Variants in BTBD8 observed in about 807,000 individuals in gnomAD.
The protein encoded by BTBD8 is BTB/POZ domain-containing protein 8.
Under a neutral mutation model 162.9 loss-of-function variants are expected in BTBD8, and 110 were observed. The observed-to-expected ratio is 0.68, with a 90% CI of 0.58 to 0.79. BTBD8 has a LOEUF of 0.79. BTBD8 is among the 30% of genes least tolerant of loss of function. The pLI is 0.00. For missense variants in BTBD8, 1,905 were observed against 2,085.4 expected, an observed-to-expected ratio of 0.91 and a Z score of 1.68; for synonymous variants, 667 against 716.1, an observed-to-expected ratio of 0.93 and a Z score of 1.10.
chr1:92,125,657 C>A, intron 4 of BTBD8: 1 of 313,358 alleles, frequency 3.2e-6, no homozygotes, highest in South Asian at 3.0e-5. Context: ...AAGATTATAC[C>A]AAAAGATTAT....
intron 4 of BTBD8, chr1:92,126,024 A>G (rs190051645): frequency 4.8e-5 from 23 of 475,436 alleles, no homozygotes; most frequent in African/African-American, 4.4e-4. Flanking sequence ...CTGTAGAAGA[A>G]TCCATATGGG....
intron 2 of BTBD8, among the ~76,000 whole-genome samples, chr1:92,089,856 T>G (rs1648253003): frequency 6.6e-6 from 1 of 152,192 alleles, no homozygotes; most frequent in Non-Finnish European, 1.5e-5. Flanking sequence ...CAAATTGTTT[T>G]TTGAGAACAG....
Position 92,181,159 on chromosome 1 carries a change from C to A in BTBD8, c.3476C>A (p.Ser1159Tyr), listed in dbSNP as rs1036495530. 6.4e-7 allele frequency: 1 copy of A among 1,551,496 alleles called. No individual in the cohort carries two copies. The highest frequency in any genetic ancestry group is 8.7e-7 in the Non-Finnish European group (1 of 1,146,990). Residue 1159 changes from serine to tyrosine, a missense_variant, in exon 17 of 18, where the codon TCT becomes TAT. Around this residue, in one of 3 missense-constraint regions of BTBD8, gnomAD observed 1,374 missense variants for 1,442.7 expected, o/e 0.95. Coordinates refer to ENST00000636805, the MANE Select transcript of BTBD8 (RefSeq NM_001376131.1). ...NPERTNGTLN[S>Y]AQEDKKSKVP... ...GAAAGGACAAATGGTACCTTAAATT[C>A]TGCTCAAGAAGACAAAAAATCGAAA...
chr1:92,106,814 T>C (rs1257349184), intron 3 of BTBD8, among the ~76,000 whole-genome samples: 6 of 151,854 alleles, frequency 4.0e-5, no homozygotes, highest in Non-Finnish European at 7.4e-5. Context: ...CAGGGAATGA[T>C]GGTGATTAAG....
intron 2 of BTBD8, among the ~76,000 whole-genome samples, chr1:92,091,301 ATTG>A (rs1194207808): frequency 1.3e-5 from 2 of 151,946 alleles, no homozygotes; most frequent in Middle Eastern, 3.2e-3. Context: ...TTCTGCCTTG[ATTG>A]TTAAGTTTCA....
At chr1:92,100,314 T>C (rs1648554454) in intron 2 of BTBD8, among the ~76,000 whole-genome samples, 1 of 152,212 alleles carries the variant, frequency 6.6e-6, no homozygotes, top group South Asian at 2.1e-4. Flanking sequence ...TCTGCTTTTG[T>C]ATTAGTAATA....
chr1:92,182,159 T>C lies in BTBD8; in HGVS notation c.4476T>C (p.Ser1492=), dbSNP rs1650931533. ...RTCYSRFSRE[S]EDNILECKQN... is the part of the protein sequence containing the mutation. ...GCTATTCCAGATTCTCACGAGAAAGTGAAGATAATATTTTAGAATGTAAAC... is the reference window on the plus strand; with the variant it reads ...GCTATTCCAGATTCTCACGAGAAAGCGAAGATAATATTTTAGAATGTAAAC... Residue 1492 remains serine, a synonymous_variant, in exon 17 of 18, where the codon AGT becomes AGC. Transcript: ENST00000636805. 2 of 1,550,856 alleles carry C rather than the reference T, an allele frequency of 1.3e-6. No homozygotes were observed. Among genetic ancestry groups the C allele is most frequent in the African/African-American group, 2.7e-5 (2 of 72,980 alleles).
chr1:92,137,551 T>G (rs1347565532), intron 5 of BTBD8, among the ~76,000 whole-genome samples: 1 of 151,946 alleles, frequency 6.6e-6, no homozygotes, highest in African/African-American at 2.4e-5. Flanking sequence ...TCTGTTGGAG[T>G]CTTCAAGGGG....
chr1:92,125,421 C>CT (rs1649329225), intron 4 of BTBD8: 1 of 293,856 alleles, frequency 3.4e-6, no homozygotes, highest in African/African-American at 2.2e-5. Flanking sequence ...CAGTTATGTA[C>CT]TGCTCAACCC....
rs1649465235 is a variant in BTBD8 at position 92,129,769 on chromosome 1, C to A, written c.745C>A (p.Leu249Ile). ...TGAAAGCTCCCAAGAGTACGTTACT[C>A]TTCAAGGGTAAGCATATTTTTACAG... is the stretch of plus-strand genomic sequence containing the variant. ...WAESSQEYVT[L>I]QGISHVELNV... The change falls in exon 5 of 18, where the codon CTT becomes ATT. Residue 249 changes from leucine to isoleucine, a missense_variant. Leu to Ile is a conservative substitution (Grantham distance 5). Around this residue, in one of 3 missense-constraint regions of BTBD8, gnomAD observed 1,374 missense variants for 1,442.7 expected, o/e 0.95. Coordinates refer to ENST00000636805, the MANE Select transcript of BTBD8 (RefSeq NM_001376131.1). 6.2e-7 allele frequency: 1 copy of A among 1,613,052 alleles called. No homozygotes were observed. Among genetic ancestry groups the A allele is most frequent in the East Asian group, 2.2e-5 (1 of 44,862 alleles).
At chr1:92,133,727 T>G (rs1302299437) in intron 5 of BTBD8, among the ~76,000 whole-genome samples, 1 of 152,144 alleles carries the variant, frequency 6.6e-6, no homozygotes, top group Non-Finnish European at 1.5e-5. Context: ...TCCCAGCACT[T>G]TGGGAGGCTG....
Position 92,182,330 on chromosome 1 carries a change from T to G in BTBD8, c.4647T>G (p.Leu1549=), listed in dbSNP as rs1323271115. 3.9e-6 allele frequency: 6 copies of G among 1,550,618 alleles called. No homozygotes were observed. Among genetic ancestry groups the G allele is most frequent in the East Asian group, 2.4e-5 (1 of 40,914 alleles). The change falls in exon 17 of 18, where the codon CTT becomes CTG. Residue 1549 remains leucine, a synonymous_variant. Transcript: ENST00000636805. ...IDVLSSRSRQ[L]LREDKKVNNG... ...TCCTATCCAGTAGAAGCAGACAGCTTCTTCGAGAAGATAAAAAAGTAAACA... is the reference window on the plus strand; with the variant it reads ...TCCTATCCAGTAGAAGCAGACAGCTGCTTCGAGAAGATAAAAAAGTAAACA...
In BTBD8 at chr1:92,181,677, T is replaced by G. The variant is rs1261580671; in HGVS notation, c.3994T>G (p.Phe1332Val). Residue 1332 changes from phenylalanine (F) to valine (V), a missense_variant, in exon 17 of 18, where the codon TTC becomes GTC. Phe to Val is a conservative substitution (Grantham distance 50, BLOSUM62 -1). Around this residue, in one of 3 missense-constraint regions of BTBD8, gnomAD observed 517 missense variants for 606.6 expected, o/e 0.85. Transcript: ENST00000636805. ...KMKKQSNNDL[F>V]QVNSTSDDEI... ...GAAAAAGCAAAGTAATAATGATCTT[T>G]TCCAAGTTAATTCAACGAGTGATGA... is the stretch of plus-strand genomic sequence containing the variant. The G allele has an allele frequency of 6.4e-7, 1 of 1,551,358 alleles. No individual in the cohort carries two copies. Among genetic ancestry groups the G allele is most frequent in the East Asian group, 2.4e-5 (1 of 40,936 alleles).
Position 92,181,535 on chromosome 1 carries a change from T to G in BTBD8, c.3852T>G (p.Gly1284=), listed in dbSNP as rs752996702. The change falls in exon 17 of 18, where the codon GGT becomes GGG. Residue 1284 remains glycine, a synonymous_variant. Transcript: ENST00000636805. ...SQDDDGSNDR[G]ISKCGTMLCH... The stretch of plus-strand genomic sequence containing the variant: ...ATGATGATGGGTCAAATGACAGAGG[T>G]ATCTCTAAATGTGGCACTATGCTGT... 9 of 1,551,518 alleles carry G rather than the reference T, an allele frequency of 5.8e-6. No homozygotes were observed. The South Asian group carries it at 1.1e-4, about 18-fold the overall frequency.
intron 4 of BTBD8, chr1:92,126,507 T>TGTA (rs151243048): frequency 1.3e-5 from 8 of 627,030 alleles, no homozygotes; most frequent in Admixed American, 7.8e-5. Flanking sequence ...TCCTCAATCC[T>TGTA]CTTCACTCAT....
chr1:92,165,940 C>A (rs895114489), intron 9 of BTBD8, among the ~76,000 whole-genome samples: 3 of 152,158 alleles, frequency 2.0e-5, no homozygotes. Flanking sequence ...TTCAATTTAC[C>A]AGTCTATCAA....
At position 92,182,474 on chromosome 1, in the gene BTBD8, A is replaced by G; in HGVS notation, c.4791A>G (p.Ile1597Met). 6.4e-7 allele frequency: 1 copy of G among 1,551,644 alleles called. No individual in the cohort carries two copies. Among genetic ancestry groups the G allele is most frequent in the Non-Finnish European group, 8.7e-7 (1 of 1,146,874 alleles). The change falls in exon 17 of 18, where the codon ATA becomes ATG. Residue 1597 changes from isoleucine to methionine, a missense_variant. Physicochemically the swap from Ile to Met is conservative, Grantham distance 10. Coordinates refer to ENST00000636805, the MANE Select transcript of BTBD8 (RefSeq NM_001376131.1). ...DLHQREPNSD[I>M]PKNSSTKSLD... ...ATCAAAGAGAACCCAATTCTGACAT[A>G]CCAAAGAACAGCTCTACAAAATCTC...
Position 92,093,559 on chromosome 1 carries a change from G to C in BTBD8, c.347+4664G>C, listed in dbSNP as rs529192903. Among the ~76,000 whole-genome samples, 4 of 152,212 alleles carry C rather than the reference G, an allele frequency of 2.6e-5. No individual in the cohort carries two copies. The South Asian group carries it at 8.3e-4, about 32-fold the overall frequency. On this transcript the variant is annotated intron_variant, in intron 2 of 17. Coordinates refer to ENST00000636805, the MANE Select transcript of BTBD8 (RefSeq NM_001376131.1). ...TGATAGAGAGTTGTTATAAGAACAA[G>C]CTTTGTGATGAAGCCAGTTCTACCA...
chr1:92,170,525 C>G (rs1650509277), intron 12 of BTBD8, among the ~76,000 whole-genome samples: 1 of 151,968 alleles, frequency 6.6e-6, no homozygotes, highest in Non-Finnish European at 1.5e-5. Flanking sequence ...TTTTCAGGAT[C>G]CTGCTTTGTC....
Sources: gnomAD v4.1 joint callset for allele counts (sites outside exome capture counted in the v4.1 genomes callset) on GRCh38, gnomAD v4.1.1 for gene constraint, gnomAD v4.1.1 regional missense constraint, MANE v1.5 for transcripts, NCBI Gene and HGNC (gene_info 2026-07-23, HGNC 2026-07-21) for gene names.